The following INPP1 variants were observed in gnomAD, a reference collection of about 807,000 sequenced individuals.
INPP1 encodes inositol polyphosphate 1-phosphatase.
A neutral mutation model predicts 23.0 loss-of-function variants in INPP1; 18 were observed. That is an observed-to-expected ratio of 0.78 (90% CI 0.54 to 1.16). The LOEUF is 1.16. Among genes scored for constraint, INPP1 ranks in the 50% most tolerant of loss-of-function variants. INPP1 has a pLI of 0.00. For synonymous variants in INPP1, 164 were observed against 176.3 expected, an observed-to-expected ratio of 0.93 and a Z score of 0.55; for missense variants, 448 against 482.1, an observed-to-expected ratio of 0.93 and a Z score of 0.66.
In INPP1 at chr2:190,366,861, A is replaced by G. The variant is rs932141799; in HGVS notation, c.432A>G (p.Pro144=). The change falls in exon 5 of 7, where the codon CCA becomes CCG. Residue 144 remains proline (P), a synonymous_variant. Transcript: ENST00000392329. ...TGGATTCCACAGAGATCAATGTTCC[A>G]CAGGACATTTTGGGAATTTGGGTGG... The part of the protein sequence containing the change: ...PTLDSTEINV[P]QDILGIWVDP... The G allele has an allele frequency of 6.2e-7, 1 of 1,613,754 alleles. No homozygotes were observed. Among genetic ancestry groups the G allele is most frequent in the African/African-American group, 1.3e-5 (1 of 74,924 alleles).
Position 190,363,727 on chromosome 2 carries a change from A to C in INPP1, c.265+1040A>C, listed in dbSNP as rs546781052. 2.6e-5 allele frequency among the ~76,000 whole-genome samples: 4 copies of C among 152,364 alleles called. No individual in the cohort carries two copies. In the East Asian group the frequency reaches 7.7e-4, roughly 29 times the overall value. ...AAATCTTTTAAACCTCTGAAGGTTA[A>C]AAATAACACTTATGCCTGACTTATA... On this transcript the variant is annotated intron_variant, in intron 4 of 6. Coordinates refer to ENST00000392329, the MANE Select transcript of INPP1 (RefSeq NM_001128928.2). This position sits in a 1 kb window ranked among gnomAD's most constrained non-coding sequence, Gnocchi z 4.4.
In INPP1 at chr2:190,363,233, T is replaced by C. The variant is rs1206650387; in HGVS notation, c.265+546T>C. On this transcript the variant is annotated intron_variant, in intron 4 of 6. Coordinates refer to ENST00000392329, the MANE Select transcript of INPP1 (RefSeq NM_001128928.2). This position sits in a 1 kb window ranked among gnomAD's most constrained non-coding sequence, Gnocchi z 4.4. ...AGATTCCTTTTAGTACTAAGTTTTTTGGTTTGTTTGTTTGTTTTTGAGACA... is the reference window on the plus strand; with the variant it reads ...AGATTCCTTTTAGTACTAAGTTTTTCGGTTTGTTTGTTTGTTTTTGAGACA... Among the ~76,000 whole-genome samples the C allele has an allele frequency of 6.6e-6, 1 of 152,176 alleles. No individual in the cohort carries two copies. The highest frequency in any genetic ancestry group is 1.5e-5 in the Non-Finnish European group (1 of 68,016).
Position 190,354,282 on chromosome 2 carries a change from CA to C in INPP1, c.-65+5255del, listed in dbSNP as rs1689376609. ...CCCATTTTCACTTTTGGCCAGAAAA[CA>C]AAAGACAAAGGAATAGATTGTGTCA... On this transcript the variant is annotated intron_variant, in intron 2 of 6. Coordinates refer to ENST00000392329, the MANE Select transcript of INPP1 (RefSeq NM_001128928.2). The surrounding 1 kb of genome is among the most constrained non-coding windows in gnomAD (Gnocchi z 4.8). Among the ~76,000 whole-genome samples the C allele has an allele frequency of 6.6e-6, 1 of 152,164 alleles. No homozygotes were observed. The highest frequency in any genetic ancestry group is 2.1e-4 in the South Asian group (1 of 4,828).
intron 1 of INPP1, among the ~76,000 whole-genome samples, chr2:190,347,199 G>C (rs1262060959): frequency 1.3e-5 from 2 of 151,800 alleles, no homozygotes; most frequent in African/African-American, 4.8e-5. Flanking sequence ...TTTTAGTAGA[G>C]ATGGGGTTTC....
rs942085701 is a variant in INPP1, at chr2:190,368,084, T to A, written c.467-1019T>A. ...AATTATATCACATTCAGCCAGTGGA[T>A]GATATATGGAAACTAAAAACCTTTC... is the stretch of plus-strand genomic sequence containing the variant. On this transcript the variant is annotated intron_variant, in intron 5 of 6. Transcript: ENST00000392329. The surrounding 1 kb of genome is among the most constrained non-coding windows in gnomAD (Gnocchi z 4.3). 5.9e-5 allele frequency among the ~76,000 whole-genome samples: 9 copies of A among 152,188 alleles called. No homozygotes were observed. The highest frequency in any genetic ancestry group is 1.3e-4 in the Non-Finnish European group (9 of 68,040).
intron 6 of INPP1, 68 bp downstream of exon 6, chr2:190,369,345 A>T (rs926248482): frequency 1.2e-6 from 1 of 832,722 alleles, no homozygotes; most frequent in Admixed American, 2.2e-5. Flanking sequence ...GCTTGTTGTT[A>T]GGATTATCAC....
Position 190,371,606 on chromosome 2 carries a change from T to G in INPP1, c.*204T>G. The G allele has an allele frequency of 2.2e-6, 1 of 446,684 alleles. No individual in the cohort carries two copies. The highest frequency in any genetic ancestry group is 3.9e-6 in the Non-Finnish European group (1 of 255,684). 27.7% of individuals were successfully genotyped at this position (446,684 alleles called of 1,614,324 possible). A position where few individuals can be genotyped will look rare whatever the true frequency, so the allele number is the denominator to read the frequency against. ...CAATTATATTGGTGTATGAAATTCT[T>G]ACAGTGAATATTGTGCTGTTAGTGC... On this transcript the variant is annotated 3_prime_UTR_variant, in exon 7 of 7. Transcript: ENST00000392329. This position sits in a 1 kb window ranked among gnomAD's most constrained non-coding sequence, Gnocchi z 5.3.
intron 6 of INPP1, 76 bp downstream of exon 6, chr2:190,369,353 C>T: frequency 1.5e-6 from 1 of 685,224 alleles, no homozygotes; most frequent in Non-Finnish European, 2.4e-6. Context: ...TTAGGATTAT[C>T]ACTATATGAC....
intron 1 of INPP1, among the ~76,000 whole-genome samples, chr2:190,347,218 A>G (rs541433012): frequency 2.6e-4 from 39 of 151,900 alleles, no homozygotes; most frequent in Middle Eastern, 3.4e-3. Context: ...TCACAGTGTT[A>G]GCCAGGATGG....
chr2:190,356,520 T>G lies in INPP1; in HGVS notation c.-64-3519T>G, dbSNP rs1209047541. On this transcript the variant is annotated intron_variant, in intron 2 of 6. Transcript: ENST00000392329. This position sits in a 1 kb window ranked among gnomAD's most constrained non-coding sequence, Gnocchi z 6.4. ...GGGCCCAAAGAGGACAAATTCCAGA[T>G]TACTGCAGCATTTGTGCTGAAACTC... The G allele has an allele frequency of 6.6e-6, 1 of 152,166 alleles. No homozygotes were observed. Among genetic ancestry groups the G allele is most frequent in the Non-Finnish European group, 1.5e-5 (1 of 68,034 alleles). 9.4% of individuals were successfully genotyped at this position (152,166 alleles called of 1,614,324 possible). A position where few individuals can be genotyped will look rare whatever the true frequency, so the allele number is the denominator to read the frequency against.
At chr2:190,366,577 C>G in intron 4 of INPP1, 118 bp from the exon 5 acceptor site, 1 of 758,218 alleles carries the variant, frequency 1.3e-6, no homozygotes, top group South Asian at 1.6e-5. Context: ...GTCTCTCGCT[C>G]TCTCTCTGTC....
intron 3 of INPP1, 90 bp downstream of exon 3, chr2:190,360,396 C>A: frequency 9.5e-7 from 1 of 1,052,384 alleles, no homozygotes; most frequent in East Asian, 2.6e-5. Flanking sequence ...CTCCTCACCC[C>A]TATCAGTATA....
chr2:190,345,224 T>C lies in INPP1; in HGVS notation c.-209+1263T>C, dbSNP rs1489035301. Among the ~76,000 whole-genome samples, 3 of 152,246 alleles carry C rather than the reference T, an allele frequency of 2.0e-5. No individual in the cohort carries two copies. The highest frequency in any genetic ancestry group is 4.4e-5 in the Non-Finnish European group (3 of 68,046). On this transcript the variant is annotated intron_variant, in intron 1 of 6. Coordinates refer to ENST00000392329, the MANE Select transcript of INPP1 (RefSeq NM_001128928.2). This position sits in a 1 kb window ranked among gnomAD's most constrained non-coding sequence, Gnocchi z 4.9. ...ATACATAGAGTTACACTGTACTTTT[T>C]GTGTAGAATAAGCTACCACTTTTCA...
intron 2 of INPP1, among the ~76,000 whole-genome samples, chr2:190,351,722 T>C (rs1324198046): frequency 1.3e-5 from 2 of 152,228 alleles, no homozygotes; most frequent in African/African-American, 4.8e-5. Context: ...TATTGATGCT[T>C]GTTTGGGTTA....
At chr2:190,366,654 A>C in intron 4 of INPP1, 41 bp from the exon 5 acceptor site, 5 of 1,387,948 alleles carry the variant, frequency 3.6e-6, no homozygotes, top group African/African-American at 2.9e-5. Context: ...CTCCACTGAA[A>C]CTCTTGAAAT....
At chr2:190,353,738 C>T (rs1689366561) in intron 2 of INPP1, among the ~76,000 whole-genome samples, 1 of 152,118 alleles carries the variant, frequency 6.6e-6, no homozygotes, top group South Asian at 2.1e-4. Context: ...TGTTTTGAAC[C>T]CAGGCCTTTC....
chr2:190,352,576 C>A lies in INPP1; in HGVS notation c.-65+3545C>A, dbSNP rs1305167032. On this transcript the variant is annotated intron_variant, in intron 2 of 6. Transcript: ENST00000392329. The surrounding 1 kb of genome is among the most constrained non-coding windows in gnomAD (Gnocchi z 4.7). ...TAGCAAGTGACACAACACAGCGAGC[C>A]CCCCCTCCATATTTAGTGTGGGCCC... Among the ~76,000 whole-genome samples the A allele has an allele frequency of 2.0e-5, 3 of 152,112 alleles. No individual in the cohort carries two copies. The highest frequency in any genetic ancestry group is 2.9e-5 in the Non-Finnish European group (2 of 68,014).
Position 190,363,924 on chromosome 2 carries a change from G to C in INPP1, c.265+1237G>C, listed in dbSNP as rs148374417. 3.3e-5 allele frequency among the ~76,000 whole-genome samples: 5 copies of C among 152,152 alleles called. 1 individual carries two copies. The highest frequency in any genetic ancestry group is 7.4e-5 in the Non-Finnish European group (5 of 68,026). On this transcript the variant is annotated intron_variant, in intron 4 of 6. Transcript: ENST00000392329. This position sits in a 1 kb window ranked among gnomAD's most constrained non-coding sequence, Gnocchi z 4.4. ...GAGGAGAGATGGTGATGATGATATTGCAGGCAAGACCAGATCATAGGAAGG... is the reference window on the plus strand; with the variant it reads ...GAGGAGAGATGGTGATGATGATATTCCAGGCAAGACCAGATCATAGGAAGG...
intron 6 of INPP1, among the ~76,000 whole-genome samples, chr2:190,370,252 TTCTC>T (rs1689775063): frequency 6.6e-6 from 1 of 151,304 alleles, no homozygotes; most frequent in African/African-American, 2.5e-5. Flanking sequence ...GCTACTTACT[TTCTC>T]TAAGCCTGTT....
Sources: gnomAD v4.1 joint callset for allele counts (sites outside exome capture counted in the v4.1 genomes callset) on GRCh38, gnomAD v4.1.1 for gene constraint, Gnocchi (gnomAD v3.1) non-coding constraint, MANE v1.5 for transcripts, NCBI Gene and HGNC (gene_info 2026-07-23, HGNC 2026-07-21) for gene names.